DUSP29: variants seen among roughly 807,000 people sequenced by gnomAD.
DUSP29 encodes the protein atypical dual-specific protein phosphatase.
A neutral mutation model predicts 13.5 loss-of-function variants in DUSP29; 12 were observed. The ratio of observed to expected loss-of-function variants is 0.89; its 90% CI spans 0.57 to 1.44. The LOEUF (loss-of-function observed/expected upper bound fraction) is 1.44, where lower values mean the gene tolerates loss of function less well. DUSP29 is among the 40% of genes most tolerant of loss of function. The pLI is 0.00. For synonymous variants in DUSP29, 134 were observed against 128.7 expected (o/e 1.04, Z -0.28); for missense variants, 308 against 301.1 (o/e 1.02, Z -0.17).
chr10:75,044,984 C>T (rs1846673244), intron 2 of DUSP29, among the ~76,000 whole-genome samples: 1 of 152,202 alleles, frequency 6.6e-6, no homozygotes, highest in African/African-American at 2.4e-5. Flanking sequence ...TGTCTATTTC[C>T]TGTAATCAAT....
intron 1 of DUSP29, among the ~76,000 whole-genome samples, chr10:75,061,052 T>C (rs955600249): frequency 2.6e-5 from 4 of 152,174 alleles, no homozygotes; most frequent in Admixed American, 6.5e-5. Flanking sequence ...TTTCTCTTTT[T>C]TCCTTTTTTA....
chr10:75,070,120 AG>A (rs1847299117), intron 1 of DUSP29, among the ~76,000 whole-genome samples: 1 of 145,704 alleles, frequency 6.9e-6, no homozygotes, highest in Admixed American at 6.8e-5. Context: ...GAAGGAAGGA[AG>A]GAAGGAAGGA....
In DUSP29 at chr10:75,058,388, G is replaced by A. The variant is rs750377358; in HGVS notation, c.127C>T (p.Arg43Trp). ...YCTPGAFELERLFWKGSPQYT... is the reference protein window; with the variant it reads ...YCTPGAFELEWLFWKGSPQYT... ...TGGGGACTGCCCTTCCAGAAGAGCC[G>A]CTCCAGCTCAAAGGCTCCAGGGGTG... Residue 43 changes from arginine to tryptophan, a missense_variant, in exon 2 of 4, where the codon CGG becomes TGG. By Grantham distance (101) the Arg-to-Trp change is moderately radical. Transcript: ENST00000338487. The A allele has an allele frequency of 1.2e-5, 19 of 1,614,066 alleles. No homozygotes were observed. Among genetic ancestry groups the A allele is most frequent in the South Asian group, 9.9e-5 (9 of 91,088 alleles).
chr10:75,043,763 G>A (rs1240143103), intron 3 of DUSP29, 34 bp downstream of exon 3: 3 of 1,575,576 alleles, frequency 1.9e-6, no homozygotes, highest in Admixed American at 3.4e-5. Flanking sequence ...GGGGCGGGGC[G>A]GGGCCGATCG....
chr10:75,052,151 C>G (rs1174458309), intron 2 of DUSP29, among the ~76,000 whole-genome samples: 1 of 152,172 alleles, frequency 6.6e-6, no homozygotes, highest in East Asian at 1.9e-4. Context: ...TTGTCTAGCA[C>G]TCGATTAACT....
intron 2 of DUSP29, among the ~76,000 whole-genome samples, chr10:75,053,534 C>A (rs1470525726): frequency 1.3e-5 from 2 of 152,192 alleles, no homozygotes; most frequent in African/African-American, 2.4e-5. Context: ...ATAATTTGTC[C>A]AAGGTCACAC....
In DUSP29 at chr10:75,058,317, A is replaced by G. The variant is rs778956000; in HGVS notation, c.198T>C (p.Asp66=). Residue 66 remains aspartate, a splice_region_variant and synonymous_variant, in exon 2 of 4, where the codon GAT becomes GAC. Coordinates refer to ENST00000338487, the MANE Select transcript of DUSP29 (RefSeq NM_001003892.3). The part of the protein sequence containing the change: ...NEVWPKLYIG[D]EATALDRYRL... The stretch of plus-strand genomic sequence containing the variant: ...CGAGCCTGGGCCTGGGCACTTACTC[A>G]TCGCCAATGTAGAGCTTGGGCCAGA... 44 of 1,611,068 alleles carry G rather than the reference A, an allele frequency of 2.7e-5. No individual in the cohort carries two copies. Among genetic ancestry groups the G allele is most frequent in the African/African-American group, 1.3e-5 (1 of 74,874 alleles).
intron 1 of DUSP29, among the ~76,000 whole-genome samples, chr10:75,067,846 TCTGTCGC>T (rs1454114257): frequency 6.6e-6 from 1 of 152,076 alleles, no homozygotes; most frequent in Non-Finnish European, 1.5e-5. Flanking sequence ...AGAGTCTCAC[TCTGTCGC>T]CCAGGCTGGA....
intron 3 of DUSP29, among the ~76,000 whole-genome samples, chr10:75,042,072 C>G (rs1846596077): frequency 6.6e-6 from 1 of 152,188 alleles, no homozygotes; most frequent in Non-Finnish European, 1.5e-5. Flanking sequence ...ATATGCTTCA[C>G]AGTGTATGAC....
chr10:75,041,824 A>T (rs550130325), intron 3 of DUSP29, among the ~76,000 whole-genome samples: 8 of 152,268 alleles, frequency 5.3e-5, no homozygotes, highest in Admixed American at 3.9e-4. Context: ...AACAGTCATG[A>T]TCCACAGCAG....
chr10:75,039,118 G>A (rs2134278751), intron 3 of DUSP29, among the ~76,000 whole-genome samples: 1 of 152,260 alleles, frequency 6.6e-6, no homozygotes, highest in Non-Finnish European at 1.5e-5. Context: ...AGCTCCTAGG[G>A]TCCCCCTGGC....
At chr10:75,072,941 C>T (rs890920108) in intron 1 of DUSP29, among the ~76,000 whole-genome samples, 13 of 151,998 alleles carry the variant, frequency 8.6e-5, no homozygotes, top group Non-Finnish European at 1.8e-4. Context: ...TGCCCACACG[C>T]GGTACAGCCT....
intron 1 of DUSP29, among the ~76,000 whole-genome samples, chr10:75,071,063 C>A (rs1179794529): frequency 2.0e-5 from 3 of 152,164 alleles, no homozygotes; most frequent in Non-Finnish European, 4.4e-5. Flanking sequence ...TGCCACCAGG[C>A]CTCTACCCCA....
At chr10:75,049,268 G>A (rs572403424) in intron 2 of DUSP29, among the ~76,000 whole-genome samples, 79 of 152,278 alleles carry the variant, frequency 5.2e-4, no homozygotes, top group African/African-American at 1.9e-3. Flanking sequence ...GTGGCCTCGG[G>A]GTTTTTAACT....
chr10:75,042,831 A>C (rs1320030529), intron 3 of DUSP29, among the ~76,000 whole-genome samples: 1 of 152,248 alleles, frequency 6.6e-6, no homozygotes, highest in Non-Finnish European at 1.5e-5. Context: ...GATACCCTGA[A>C]TTATGTGATG....
intron 2 of DUSP29, among the ~76,000 whole-genome samples, chr10:75,046,922 A>G (rs2134285821): frequency 6.6e-6 from 1 of 152,294 alleles, no homozygotes; most frequent in South Asian, 2.1e-4. Context: ...GCTCCTACCC[A>G]CCATGAAGAC....
At chr10:75,052,701 C>G (rs1846865972) in intron 2 of DUSP29, among the ~76,000 whole-genome samples, 1 of 152,236 alleles carries the variant, frequency 6.6e-6, no homozygotes, top group South Asian at 2.1e-4. Context: ...AGCCACCTGC[C>G]TCGGCCTCCC....
chr10:75,058,299 G>A lies in DUSP29; in HGVS notation c.200+16C>T. 2 of 1,603,268 alleles carry A rather than the reference G, an allele frequency of 1.2e-6. No individual in the cohort carries two copies. The highest frequency in any genetic ancestry group is 1.7e-6 in the Non-Finnish European group (2 of 1,172,278). ...CTGCTGCCTGCTCCCAAGCGAGCCT[G>A]GGCCTGGGCACTTACTCATCGCCAA... On this transcript the variant is annotated intron_variant, in intron 2 of 3. Coordinates refer to ENST00000338487, the MANE Select transcript of DUSP29 (RefSeq NM_001003892.3).
chr10:75,043,703 TGGGGCGGGGAA>T, intron 3 of DUSP29, 83 bp downstream of exon 3: 5 of 1,043,158 alleles, frequency 4.8e-6, no homozygotes, highest in Non-Finnish European at 6.4e-6. Context: ...GGAGCCTTAG[TGGGGCGGGGAA>T]GGGGCGGGGC....
Sources: gnomAD v4.1 joint callset for allele counts (sites outside exome capture counted in the v4.1 genomes callset) on GRCh38, gnomAD v4.1.1 for gene constraint, MANE v1.5 for transcripts, NCBI Gene and HGNC (gene_info 2026-07-23, HGNC 2026-07-21) for gene names.